The following SESN1 variants were observed in gnomAD, a reference collection of about 807,000 sequenced individuals.
The protein encoded by SESN1 is sestrin 1.
In SESN1, 30 loss-of-function variants were observed where a neutral mutation model predicts 59.3. The observed-to-expected ratio is 0.51, with a 90% CI of 0.38 to 0.69. The LOEUF (loss-of-function observed/expected upper bound fraction) is 0.69, where lower values mean the gene tolerates loss of function less well. Among genes scored for constraint, SESN1 ranks in the 30% least tolerant of loss-of-function variants. The pLI, the probability that SESN1 is intolerant of heterozygous loss-of-function variation, is 0.00. For synonymous variants in SESN1, 197 were observed against 219.9 expected (o/e 0.90, Z 0.92); for missense variants, 566 against 673.0 (o/e 0.84, Z 1.76).
intron 1 of SESN1, chr6:109,009,399 A>G: frequency 1.4e-6 from 2 of 1,461,438 alleles, no homozygotes; most frequent in East Asian, 3.0e-5. Context: ...CTTGCAGCCC[A>G]GCAGCCCCGA....
At chr6:109,083,091 C>T (rs893025370) in intron 1 of SESN1, among the ~76,000 whole-genome samples, 2 of 152,132 alleles carry the variant, frequency 1.3e-5, no homozygotes, top group Admixed American at 6.5e-5. Context: ...GTACAGTATA[C>T]TAAAGTTTAC....
At chr6:109,004,006 C>T (rs1377772682) in intron 1 of SESN1, among the ~76,000 whole-genome samples, 1 of 152,036 alleles carries the variant, frequency 6.6e-6, no homozygotes, top group Non-Finnish European at 1.5e-5. Flanking sequence ...AGACTTGGGA[C>T]TTTAGTATAC....
At chr6:109,063,269 T>C (rs1173356295) in intron 1 of SESN1, among the ~76,000 whole-genome samples, 1 of 146,716 alleles carries the variant, frequency 6.8e-6, no homozygotes, top group Non-Finnish European at 1.5e-5. Context: ...TATAACTGTT[T>C]GAAGAGAAAT....
intron 1 of SESN1, among the ~76,000 whole-genome samples, chr6:109,031,213 G>A (rs1207273429): frequency 6.6e-6 from 1 of 152,170 alleles, no homozygotes; most frequent in Non-Finnish European, 1.5e-5. Context: ...TTAGTAGTGG[G>A]AAACGGTCAG....
intron 1 of SESN1, among the ~76,000 whole-genome samples, chr6:109,036,800 A>G (rs1201788117): frequency 1.3e-5 from 2 of 152,198 alleles, no homozygotes; most frequent in Non-Finnish European, 2.9e-5. Context: ...TTAGTAGAGT[A>G]TCATATGTTC....
At chr6:109,008,952 C>G (rs1779794403) in intron 1 of SESN1, 5 of 994,738 alleles carry the variant, frequency 5.0e-6, no homozygotes, top group Non-Finnish European at 6.0e-6. Flanking sequence ...TTTCACAAGA[C>G]AAGACAATCG....
chr6:109,070,464 G>T (rs1243173262), intron 1 of SESN1, among the ~76,000 whole-genome samples: 1 of 151,068 alleles, frequency 6.6e-6, no homozygotes, highest in African/African-American at 2.4e-5. Context: ...CAGCTGATGT[G>T]AGGGCAGGGT....
chr6:108,991,604 G>A (rs1405685628), intron 7 of SESN1, among the ~76,000 whole-genome samples: 1 of 152,032 alleles, frequency 6.6e-6, no homozygotes, highest in African/African-American at 2.4e-5. Flanking sequence ...CTGCACTTCT[G>A]CCTTTTAGCC....
chr6:108,998,409 C>T, intron 5 of SESN1, 104 bp downstream of exon 5: 2 of 1,375,634 alleles, frequency 1.5e-6, no homozygotes, highest in African/African-American at 1.4e-5. Flanking sequence ...AATATCTCCA[C>T]AGTCTTAACA....
chr6:109,003,896 TCCC>T (rs1163602827), intron 1 of SESN1, among the ~76,000 whole-genome samples: 1 of 152,216 alleles, frequency 6.6e-6, no homozygotes, highest in Admixed American at 6.5e-5. Context: ...TTAACATTTA[TCCC>T]CTCTAATTTC....
At chr6:108,990,519 AAAT>A (rs1268505961) in intron 8 of SESN1, 123 bp downstream of exon 8, 2 of 848,488 alleles carry the variant, frequency 2.4e-6, no homozygotes, top group Non-Finnish European at 3.7e-6. Context: ...AATAGCATAA[AAAT>A]AAGTTATTGG....
chr6:109,050,388 T>TCA (rs1554265513), intron 1 of SESN1, among the ~76,000 whole-genome samples: 1 of 134,066 alleles, frequency 7.5e-6, no homozygotes, highest in African/African-American at 2.7e-5. Context: ...TTTAAATTGT[T>TCA]AAAAAAAAAA....
intron 4 of SESN1, 109 bp downstream of exon 4, chr6:109,000,382 G>T: frequency 1.3e-6 from 1 of 756,576 alleles, no homozygotes; most frequent in East Asian, 2.8e-5. Context: ...GAGATTCAGG[G>T]GGTAGAAAAT....
In SESN1 at chr6:109,064,553, AAGAAG is replaced by A. The variant is rs1259671210; in HGVS notation, c.279+29237_279+29241del. Among the ~76,000 whole-genome samples the A allele has an allele frequency of 2.3e-5, 3 of 129,970 alleles. No individual in the cohort carries two copies. In the Admixed American group the frequency reaches 2.4e-4, roughly 10 times the overall value. 85.3% of individuals were successfully genotyped at this position (129,970 alleles called of 152,430 possible). A position where few individuals can be genotyped will look rare whatever the true frequency, so the allele number is the denominator to read the frequency against. On this transcript the variant is annotated intron_variant, in intron 1 of 9. Transcript: ENST00000436639. ...ATGGGACATAAAAAATATCAAATGAAAGAAGAGAAGAGAGGAGGGGAGAGGAGAGG... is the reference window on the plus strand; with the variant it reads ...ATGGGACATAAAAAATATCAAATGAAAGAAGAGAGGAGGGGAGAGGAGAGG...
rs539447272 is a variant in SESN1 at position 108,989,425 on chromosome 6, A to T, written c.1425-738T>A. 2.3e-3 allele frequency among the ~76,000 whole-genome samples: 287 copies of T among 124,674 alleles called. 1 individual carries two copies. Among genetic ancestry groups the T allele is most frequent in the African/African-American group, 7.1e-3 (279 of 39,432 alleles). The allele number at this position is 124,674 out of a possible 152,430, so 81.8% of individuals were successfully genotyped here. On this transcript the variant is annotated intron_variant, in intron 8 of 9. Coordinates refer to ENST00000436639, the MANE Select transcript of SESN1 (RefSeq NM_014454.3). Reference sequence around the variant, plus strand: ...TAGATAGATATCTCTAGATCTAGAGATATATATCTAGATCTAGATACATCT... The same window carrying T: ...TAGATAGATATCTCTAGATCTAGAGTTATATATCTAGATCTAGATACATCT...
At chr6:109,069,331 A>C (rs529518863) in intron 1 of SESN1, among the ~76,000 whole-genome samples, 129 of 152,258 alleles carry the variant, frequency 8.5e-4, no homozygotes, top group African/African-American at 2.5e-3. Flanking sequence ...ACAAAAAAAA[A>C]CACCAAGTTC....
chr6:108,998,118 T>C (rs1045675444), intron 5 of SESN1, among the ~76,000 whole-genome samples: 1 of 152,210 alleles, frequency 6.6e-6, no homozygotes, highest in African/African-American at 2.4e-5. Context: ...CTGTTTATTT[T>C]GTGCAAAAGA....
At chr6:109,009,135 G>A (rs1779801222) in intron 1 of SESN1, 2 of 690,234 alleles carry the variant, frequency 2.9e-6, no homozygotes, top group East Asian at 3.6e-5. Context: ...ACGACTCACG[G>A]TGCGCAGGTC....
intron 1 of SESN1, among the ~76,000 whole-genome samples, chr6:109,083,823 T>C (rs1781164446): frequency 6.6e-6 from 1 of 152,224 alleles, no homozygotes; most frequent in Non-Finnish European, 1.5e-5. Flanking sequence ...TATCACATGA[T>C]TGGAAGAATG....
Sources: gnomAD v4.1 joint callset for allele counts (sites outside exome capture counted in the v4.1 genomes callset) on GRCh38, gnomAD v4.1.1 for gene constraint, MANE v1.5 for transcripts, NCBI Gene and HGNC (gene_info 2026-07-23, HGNC 2026-07-21) for gene names.